Variants in TTBK2 observed in about 807,000 individuals in gnomAD.
The protein encoded by TTBK2 is tau-tubulin kinase 2.
In TTBK2, 28 loss-of-function variants were observed where a neutral mutation model predicts 110.8. That is an observed-to-expected ratio of 0.25 (90% confidence interval 0.19 to 0.35). The LOEUF (loss-of-function observed/expected upper bound fraction) is 0.35, where lower values mean the gene tolerates loss of function less well. Ranked by LOEUF, TTBK2 falls within the 10% of genes least tolerant of loss-of-function variation. TTBK2 has a pLI of 1.00. For missense variants in TTBK2, 1,369 were observed against 1,500.3 expected (o/e 0.91, Z 1.45); for synonymous variants, 532 against 527.3 (o/e 1.01, Z -0.12).
rs1891673465 is a variant in TTBK2 at position 42,810,723 on chromosome 15, A to G, written c.713T>C (p.Ile238Thr). The G allele has an allele frequency of 1.2e-6, 2 of 1,613,770 alleles. No individual in the cohort carries two copies. The highest frequency in any genetic ancestry group is 1.7e-6 in the Non-Finnish European group (2 of 1,179,924). ...GAGCCTGTGGTCATATCTCTCCTTA[A>G]TAGAGCCTACTTGCTCCTGGGAAGT... is the stretch of plus-strand genomic sequence containing the variant. ...KIKDKEQVGS[I>T]KERYDHRLML... is the part of the protein sequence containing the mutation. The change falls in exon 9 of 15, where the codon ATT becomes ACT. Residue 238 changes from isoleucine to threonine, a missense_variant. Ile to Thr is a moderately conservative substitution (Grantham distance 89). Coordinates refer to ENST00000267890, the MANE Select transcript of TTBK2 (RefSeq NM_173500.4).
intron 3 of TTBK2, among the ~76,000 whole-genome samples, chr15:42,846,184 TTTTCTTTTTTC>T (rs1893456658): frequency 1.3e-5 from 2 of 151,870 alleles, no homozygotes; most frequent in South Asian, 4.1e-4. Flanking sequence ...TCCTAATTTT[TTTTCTTTTTTC>T]TTTCTTTTTT....
chr15:42,773,959 T>G (rs1471948051), intron 13 of TTBK2, among the ~76,000 whole-genome samples: 1 of 152,224 alleles, frequency 6.6e-6, no homozygotes, highest in Non-Finnish European at 1.5e-5. Context: ...CAGCCCTAAT[T>G]TGTTTCCTGG....
At chr15:42,801,708 G>A (rs759796018) in intron 9 of TTBK2, 10 of 883,454 alleles carry the variant, frequency 1.1e-5, no homozygotes, top group Non-Finnish European at 1.9e-5. Flanking sequence ...ATCTGGGACT[G>A]CAGCTCCCGA....
intron 4 of TTBK2, among the ~76,000 whole-genome samples, chr15:42,835,495 CAACAACAAT>C (rs1373005874): frequency 6.6e-6 from 1 of 151,950 alleles, no homozygotes; most frequent in African/African-American, 2.4e-5. Context: ...CCATTTTTAT[CAACAACAAT>C]AAACACAATG....
At chr15:42,839,348 T>C (rs1478753131) in intron 4 of TTBK2, among the ~76,000 whole-genome samples, 2 of 152,226 alleles carry the variant, frequency 1.3e-5, no homozygotes, top group Non-Finnish European at 2.9e-5. Flanking sequence ...CAGTTCACCA[T>C]TGATGGGCAT....
chr15:42,871,543 A>C (rs998428335), intron 3 of TTBK2: 1 of 985,372 alleles, frequency 1.0e-6, no homozygotes, highest in Non-Finnish European at 1.2e-6. Flanking sequence ...GGCTGATAGT[A>C]AAACAGGTAT....
intron 3 of TTBK2, among the ~76,000 whole-genome samples, chr15:42,841,075 G>A (rs1893200838): frequency 6.6e-6 from 1 of 152,194 alleles, no homozygotes; most frequent in Admixed American, 6.5e-5. Flanking sequence ...AAACCAGCCG[G>A]AAAACTTTAT....
At chr15:42,783,781 G>T in intron 10 of TTBK2, 146 bp from the exon 11 acceptor site, 1 of 739,334 alleles carries the variant, frequency 1.4e-6, no homozygotes, top group Non-Finnish European at 2.2e-6. Context: ...ACTTAGGTTG[G>T]CCGGGCATGG....
At chr15:42,854,742 A>T (rs1283605399) in intron 3 of TTBK2, among the ~76,000 whole-genome samples, 1 of 152,166 alleles carries the variant, frequency 6.6e-6, no homozygotes, top group Non-Finnish European at 1.5e-5. Context: ...TTGACTGTCT[A>T]TATGACACGG....
chr15:42,775,222 C>T lies in TTBK2; in HGVS notation c.1911G>A (p.Leu637=), dbSNP rs1889852488. The T allele has an allele frequency of 6.2e-7, 1 of 1,614,108 alleles. No homozygotes were observed. The highest frequency in any genetic ancestry group is 1.7e-5 in the Admixed American group (1 of 60,008). Residue 637 remains leucine (L), a synonymous_variant, in exon 13 of 15, where the codon CTG becomes CTA. Coordinates refer to ENST00000267890, the MANE Select transcript of TTBK2 (RefSeq NM_173500.4). ...GACTAGCAGCTCCAGGCTGGAGTTCCAGCCTATCTGTATATTGTTCTGAAG... is the reference window on the plus strand; with the variant it reads ...GACTAGCAGCTCCAGGCTGGAGTTCTAGCCTATCTGTATATTGTTCTGAAG... ...TAASEQYTDR[L]ELQPGAASQF... is the part of the protein sequence containing the mutation.
intron 9 of TTBK2, among the ~76,000 whole-genome samples, chr15:42,807,591 T>TTTG (rs59708577): frequency 2.0e-4 from 30 of 150,746 alleles, no homozygotes; most frequent in African/African-American, 6.6e-4. Flanking sequence ...TTTGTTGTTT[T>TTTG]TTGTTGTTGT....
At chr15:42,754,909 G>A (rs1431996510) in intron 13 of TTBK2, among the ~76,000 whole-genome samples, 3 of 149,694 alleles carry the variant, frequency 2.0e-5, no homozygotes, top group African/African-American at 7.3e-5. Flanking sequence ...TCAGGAGGCT[G>A]AGGCAGGAGA....
intron 6 of TTBK2, among the ~76,000 whole-genome samples, chr15:42,824,115 C>T (rs1446079081): frequency 6.6e-6 from 1 of 152,142 alleles, no homozygotes; most frequent in African/African-American, 2.4e-5. Context: ...GAACTCACGA[C>T]CCCTCCGCTC....
intron 14 of TTBK2, among the ~76,000 whole-genome samples, chr15:42,747,166 C>G: frequency 6.6e-6 from 1 of 151,940 alleles, no homozygotes; most frequent in Non-Finnish European, 1.5e-5. Flanking sequence ...GACGGTTTTG[C>G]CACATTGCCC....
chr15:42,902,998 A>AG (rs1174758390), intron 1 of TTBK2, among the ~76,000 whole-genome samples: 24 of 152,052 alleles, frequency 1.6e-4, no homozygotes, highest in African/African-American at 5.3e-4. Context: ...AAAAAAAAAA[A>AG]AAAAGAAAGA....
chr15:42,846,299 C>T (rs751340730), intron 3 of TTBK2, among the ~76,000 whole-genome samples: 2 of 151,774 alleles, frequency 1.3e-5, no homozygotes, highest in East Asian at 1.9e-4. Flanking sequence ...AAGCAATTCT[C>T]GTGCCTCAGC....
intron 13 of TTBK2, among the ~76,000 whole-genome samples, chr15:42,758,821 C>T (rs184145987): frequency 6.6e-6 from 1 of 152,182 alleles, no homozygotes; most frequent in Admixed American, 6.5e-5. Context: ...ACTGCAAACA[C>T]CTACAATCCT....
Position 42,738,734 on chromosome 15 carries a change from T to C in TTBK2, c.*7061A>G, listed in dbSNP as rs2061731803. ...ACAGAATAATGGACTAAAAAGGAGCTTTTAATATTTTAATTTTATTACAGG... is the reference window on the plus strand; with the variant it reads ...ACAGAATAATGGACTAAAAAGGAGCCTTTAATATTTTAATTTTATTACAGG... On this transcript the variant is annotated 3_prime_UTR_variant, in exon 15 of 15. Transcript: ENST00000267890. The C allele has an allele frequency of 6.6e-6, 1 of 152,148 alleles. No individual in the cohort carries two copies. The highest frequency in any genetic ancestry group is 6.5e-5 in the Admixed American group (1 of 15,272). 9.4% of individuals were successfully genotyped at this position (152,148 alleles called of 1,614,324 possible).
intron 1 of TTBK2, among the ~76,000 whole-genome samples, chr15:42,891,639 C>G (rs1353661597): frequency 6.6e-6 from 1 of 152,080 alleles, no homozygotes; most frequent in East Asian, 1.9e-4. Flanking sequence ...GAGAAGCTCC[C>G]GTGCTTGGGA....
Sources: allele counts gnomAD v4.1 joint callset (sites outside exome capture counted in the v4.1 genomes callset), GRCh38; gene constraint gnomAD v4.1.1; transcripts MANE v1.5; gene names NCBI Gene and HGNC (gene_info 2026-07-23, HGNC 2026-07-21).